Variants in DIP2C observed in about 807,000 individuals in gnomAD.
The protein encoded by DIP2C is DIP2 acetate--CoA ligase C (putative), also known as disco-interacting protein 2 homolog C.
A neutral mutation model predicts 192.4 loss-of-function variants in DIP2C; 33 were observed. That is an observed-to-expected ratio of 0.17 (90% CI 0.13 to 0.23). The LOEUF (loss-of-function observed/expected upper bound fraction) is 0.23. Ranked by LOEUF, DIP2C falls within the 10% of genes least tolerant of loss-of-function variation. DIP2C has a pLI of 1.00. For synonymous variants in DIP2C, 979 were observed against 864.1 expected (o/e 1.13, Z -2.33); for missense variants, 1,537 against 2,110.1 (o/e 0.73, Z 5.32).
chr10:449,781 T>TAAAAAAAAAAAA (rs370147180), intron 3 of DIP2C, among the ~76,000 whole-genome samples: 2 of 128,674 alleles, frequency 1.6e-5, no homozygotes, highest in African/African-American at 3.0e-5. Context: ...TAAAGTATAA[T>TAAAAAAAAAAAA]TAAAAAAAAA....
chr10:594,868 T>C (rs1042966127), intron 1 of DIP2C, among the ~76,000 whole-genome samples: 5 of 152,204 alleles, frequency 3.3e-5, no homozygotes, highest in African/African-American at 1.2e-4. Flanking sequence ...ATGATGAGCC[T>C]GATTCGGGCT....
chr10:462,968 C>G (rs1969914875), intron 3 of DIP2C, among the ~76,000 whole-genome samples: 1 of 152,068 alleles, frequency 6.6e-6, no homozygotes, highest in Admixed American at 6.6e-5. Flanking sequence ...ATTCAGCATC[C>G]CTTCATGCTA....
chr10:400,944 G>A (rs534780191), intron 9 of DIP2C, among the ~76,000 whole-genome samples: 2 of 148,494 alleles, frequency 1.3e-5, no homozygotes, highest in African/African-American at 5.0e-5. Flanking sequence ...GATTTTACAC[G>A]TGTGGCAGCA....
chr10:505,776 G>T (rs1845559268), intron 1 of DIP2C, among the ~76,000 whole-genome samples: 1 of 151,758 alleles, frequency 6.6e-6, no homozygotes, highest in East Asian at 1.9e-4. Flanking sequence ...TGCCTGCCCA[G>T]CTGTGCTTCC....
In DIP2C at chr10:414,038, C is replaced by T; in HGVS notation, c.932G>A (p.Gly311Asp). The part of the protein sequence containing the change: ...QMLAMRGEQL[G>D]VVTNWPPSLE... ...CGACGGCGGCCAGTTCGTGACCACG[C>T]CCAGCTGCTCTCCGCGCATGGCCAG... The change falls in exon 8 of 37, where the codon GGC becomes GAC. Residue 311 changes from glycine to aspartate, a missense_variant. Physicochemically the swap from Gly to Asp is moderately conservative, Grantham distance 94. Transcript: ENST00000280886. 6.2e-7 allele frequency: 1 copy of T among 1,614,128 alleles called. No homozygotes were observed. The highest frequency in any genetic ancestry group is 8.5e-7 in the Non-Finnish European group (1 of 1,179,980).
At chr10:455,409 ACT>A (rs1448862719) in intron 3 of DIP2C, among the ~76,000 whole-genome samples, 3 of 109,592 alleles carry the variant, frequency 2.7e-5, no homozygotes, top group Non-Finnish European at 4.1e-5. Flanking sequence ...AGATGAAAAC[ACT>A]CTGCAGTGAG....
chr10:525,640 C>G lies in DIP2C; in HGVS notation c.86-39110G>C, dbSNP rs150706657. On this transcript the variant is annotated intron_variant, in intron 1 of 36. Coordinates refer to ENST00000280886, the MANE Select transcript of DIP2C (RefSeq NM_014974.3). The stretch of plus-strand genomic sequence containing the variant: ...TGAAAATGAACCTCCTGCTTGCCCA[C>G]TGAGGACAGGGAGAGAACAGGGTAG... 9.7e-4 allele frequency among the ~76,000 whole-genome samples: 148 copies of G among 152,308 alleles called. 2 individuals are homozygous for G. The highest frequency in any genetic ancestry group is 3.5e-3 in the African/African-American group (144 of 41,584).
chr10:681,569 A>T (rs1235805808), intron 1 of DIP2C, among the ~76,000 whole-genome samples: 1 of 151,914 alleles, frequency 6.6e-6, no homozygotes, highest in Non-Finnish European at 1.5e-5. Context: ...ACCTATGGCC[A>T]CGGAAATTCC....
chr10:341,470 G>C (rs1246232948), intron 28 of DIP2C, 141 bp from the exon 29 acceptor site: 1 of 1,268,892 alleles, frequency 7.9e-7, no homozygotes, highest in African/African-American at 1.5e-5. Flanking sequence ...ATACGGGGCT[G>C]CACTGAACGC....
Position 553,681 on chromosome 10 carries a change from T to A in DIP2C, c.86-67151A>T, listed in dbSNP as rs816649. On this transcript the variant is annotated intron_variant, in intron 1 of 36. Coordinates refer to ENST00000280886, the MANE Select transcript of DIP2C (RefSeq NM_014974.3). ...AAGAAAAGGTATATAGCTTGTAACT[T>A]TAAGAGTGGCGAACAAGCAAGAAAT... 3.9e-5 allele frequency among the ~76,000 whole-genome samples: 6 copies of A among 152,130 alleles called. No homozygotes were observed. In the South Asian group the frequency reaches 6.2e-4, roughly 16 times the overall value.
rs760772832 is a variant in DIP2C at position 651,072 on chromosome 10, CTT to C, written c.85+38420_85+38421del. ...CCTAGCCCCTGCCACCCCTCCTGCTCTTGTCTCTCCCACACCTCCCAAACTCT... is the reference window on the plus strand; with the variant it reads ...CCTAGCCCCTGCCACCCCTCCTGCTCGTCTCTCCCACACCTCCCAAACTCT... On this transcript the variant is annotated intron_variant, in intron 1 of 36. Transcript: ENST00000280886. This position sits in a 1 kb window ranked among gnomAD's most constrained non-coding sequence, Gnocchi z 4.1. 17 of 717,386 alleles carry C rather than the reference CTT, an allele frequency of 2.4e-5. No homozygotes were observed. Among genetic ancestry groups the C allele is most frequent in the South Asian group, 1.8e-4 (12 of 67,598 alleles). 44.4% of individuals were successfully genotyped at this position (717,386 alleles called of 1,614,324 possible).
intron 34 of DIP2C, among the ~76,000 whole-genome samples, chr10:285,082 A>C (rs1589385542): frequency 6.7e-6 from 1 of 148,760 alleles, no homozygotes; most frequent in South Asian, 2.2e-4. Context: ...CCTAAGTGAG[A>C]GCTGCACAGA....
At chr10:405,358 T>C (rs1050773309) in intron 9 of DIP2C, among the ~76,000 whole-genome samples, 1 of 152,208 alleles carries the variant, frequency 6.6e-6, no homozygotes, top group African/African-American at 2.4e-5. Context: ...TATAGACCAC[T>C]GCAGAGTTGT....
chr10:526,525 C>G (rs1240980474), intron 1 of DIP2C, among the ~76,000 whole-genome samples: 1 of 48,226 alleles, frequency 2.1e-5, no homozygotes, highest in Non-Finnish European at 6.1e-5. Context: ...CCAGCCCTAC[C>G]CCACCAAAAA....
At chr10:329,928 C>A (rs1957430688) in intron 29 of DIP2C, among the ~76,000 whole-genome samples, 2 of 152,022 alleles carry the variant, frequency 1.3e-5, no homozygotes, top group South Asian at 4.1e-4. Flanking sequence ...TAGTAGAAAA[C>A]ACAGGGATCA....
intron 15 of DIP2C, 72 bp downstream of exon 15, chr10:384,474 G>T (rs1962695606): frequency 1.4e-6 from 2 of 1,478,480 alleles, no homozygotes; most frequent in Non-Finnish European, 1.9e-6. Context: ...CTGACCTCAG[G>T]TGATCCACCT....
intron 4 of DIP2C, among the ~76,000 whole-genome samples, chr10:433,171 C>T (rs906103267): frequency 2.0e-5 from 3 of 152,136 alleles, no homozygotes; most frequent in Non-Finnish European, 4.4e-5. Context: ...CTGAATTGGT[C>T]CATTTCTGAT....
In DIP2C at chr10:575,080, TAGAC is replaced by T. The variant is rs138566694; in HGVS notation, c.86-88554_86-88551del. ...CTGCTGGTCTTGGCTTCAAGGAAAA[TAGAC>T]AGAAGGAACTAAAGGCTCACTACAG... is the stretch of plus-strand genomic sequence containing the variant. On this transcript the variant is annotated intron_variant, in intron 1 of 36. Coordinates refer to ENST00000280886, the MANE Select transcript of DIP2C (RefSeq NM_014974.3). 3.4e-3 allele frequency among the ~76,000 whole-genome samples: 516 copies of T among 152,054 alleles called. 4 individuals carry two copies. The East Asian group carries it at 0.039, about 11-fold the overall frequency.
chr10:389,147 G>A (rs1963246571), intron 13 of DIP2C, among the ~76,000 whole-genome samples: 1 of 151,200 alleles, frequency 6.6e-6, no homozygotes, highest in Admixed American at 6.6e-5. Flanking sequence ...CAGGGGCATG[G>A]GGGTTCTCTG....
Sources: allele counts gnomAD v4.1 joint callset (sites outside exome capture counted in the v4.1 genomes callset), GRCh38; gene constraint gnomAD v4.1.1; non-coding constraint Gnocchi (gnomAD v3.1); transcripts MANE v1.5; gene names NCBI Gene and HGNC (gene_info 2026-07-23, HGNC 2026-07-21).